NAALADL2: variants seen among roughly 807,000 people sequenced by gnomAD.
The protein encoded by NAALADL2 is inactive N-acetylated-alpha-linked acidic dipeptidase-like protein 2.
Under a neutral mutation model 87.2 loss-of-function variants are expected in NAALADL2, and 76 were observed. The ratio of observed to expected loss-of-function variants is 0.87; its 90% CI spans 0.72 to 1.05. The LOEUF is 1.05. Among genes scored for constraint, NAALADL2 ranks in the 50% least tolerant of loss-of-function variants. NAALADL2 has a pLI of 0.00. For synonymous variants in NAALADL2, 354 were observed against 331.0 expected (o/e 1.07, Z -0.75); for missense variants, 1,089 against 945.8 (o/e 1.15, Z -1.99).
chr3:174,967,990 A>G (rs1743110141), intron 1 of NAALADL2, among the ~76,000 whole-genome samples: 1 of 152,190 alleles, frequency 6.6e-6, no homozygotes, highest in Admixed American at 6.5e-5. Context: ...GATAATTTTG[A>G]CATTTCCTGA....
At chr3:175,718,648 C>A in intron 11 of NAALADL2, 2 of 1,585,038 alleles carry the variant, frequency 1.3e-6, no homozygotes, top group Non-Finnish European at 8.6e-7. Context: ...CTTTTACTCC[C>A]GAGCCCGTGG....
chr3:174,518,492 A>G (rs944718967), intron 1 of NAALADL2, among the ~76,000 whole-genome samples: 2 of 152,190 alleles, frequency 1.3e-5, no homozygotes, highest in Non-Finnish European at 2.9e-5. Flanking sequence ...TTCCAAGTCC[A>G]TTATCACATT....
At chr3:175,663,423 A>C (rs1287505686) in intron 11 of NAALADL2, among the ~76,000 whole-genome samples, 1 of 151,554 alleles carries the variant, frequency 6.6e-6, no homozygotes, top group Non-Finnish European at 1.5e-5. Context: ...CTCTGATTTT[A>C]TTTGAATATT....
At chr3:175,502,901 G>A (rs1374308771) in intron 9 of NAALADL2, among the ~76,000 whole-genome samples, 1 of 149,326 alleles carries the variant, frequency 6.7e-6, no homozygotes, top group South Asian at 2.1e-4. Context: ...TAAGAAGACA[G>A]GCTTTTTAAT....
At chr3:175,089,188 A>C (rs1719617827) in intron 1 of NAALADL2, among the ~76,000 whole-genome samples, 1 of 152,178 alleles carries the variant, frequency 6.6e-6, no homozygotes, top group African/African-American at 2.4e-5. Flanking sequence ...AAGATCTGTC[A>C]GGTCCTGAAT....
intron 11 of NAALADL2, among the ~76,000 whole-genome samples, chr3:175,682,727 T>C (rs1278823153): frequency 6.6e-6 from 1 of 152,084 alleles, no homozygotes; most frequent in Admixed American, 6.5e-5. Flanking sequence ...TTCAATTTTA[T>C]AGACATGTTT....
intron 11 of NAALADL2, among the ~76,000 whole-genome samples, chr3:175,714,629 G>A (rs1334042873): frequency 6.6e-6 from 1 of 152,004 alleles, no homozygotes; most frequent in Non-Finnish European, 1.5e-5. Context: ...CTGGATATTA[G>A]CCCTTTGTCA....
At chr3:174,641,278 T>G (rs1723162303) in intron 2 of NAALADL2, among the ~76,000 whole-genome samples, 1 of 152,116 alleles carries the variant, frequency 6.6e-6, no homozygotes, top group South Asian at 2.1e-4. Flanking sequence ...GGCTGACACC[T>G]TGAGTGCAGC....
At chr3:175,370,876 A>C (rs1766394164) in intron 5 of NAALADL2, among the ~76,000 whole-genome samples, 1 of 152,220 alleles carries the variant, frequency 6.6e-6, no homozygotes, top group Non-Finnish European at 1.5e-5. Context: ...TAAAGGAGAA[A>C]GGCTGGCAGC....
chr3:175,688,361 AT>A (rs1181544294), intron 11 of NAALADL2, among the ~76,000 whole-genome samples: 1 of 152,222 alleles, frequency 6.6e-6, no homozygotes, highest in Non-Finnish European at 1.5e-5. Context: ...TTATTGAATA[AT>A]ATTGTGGAAT....
At chr3:175,269,530 C>T (rs1225580402) in intron 4 of NAALADL2, among the ~76,000 whole-genome samples, 1 of 152,166 alleles carries the variant, frequency 6.6e-6, no homozygotes, top group African/African-American at 2.4e-5. Context: ...TGTACGGGAT[C>T]ATTCCTTGAC....
At chr3:175,110,147 A>C (rs1723939637) in intron 2 of NAALADL2, among the ~76,000 whole-genome samples, 1 of 151,782 alleles carries the variant, frequency 6.6e-6, no homozygotes, top group Non-Finnish European at 1.5e-5. Flanking sequence ...TTATGGTACG[A>C]ATAATAAGAG....
chr3:174,926,509 G>A (rs575844186), intron 1 of NAALADL2, among the ~76,000 whole-genome samples: 21 of 152,174 alleles, frequency 1.4e-4, no homozygotes, highest in African/African-American at 4.1e-4. Flanking sequence ...TAGATCTCTC[G>A]GTAGAAACTC....
At chr3:174,585,087 G>A (rs1381779258) in intron 2 of NAALADL2, among the ~76,000 whole-genome samples, 1 of 152,002 alleles carries the variant, frequency 6.6e-6, no homozygotes, top group African/African-American at 2.4e-5. Context: ...TTCTGAAATT[G>A]GCTGTTACTC....
In NAALADL2 at chr3:175,808,093, G is replaced by C. The variant is rs1754866149; in HGVS notation, c.*4890G>C. ...TTAAATGATCTGTTAATCAGCCAGA[G>C]TTTTAGTTTCATAATATCGTTCCAT... On this transcript the variant is annotated 3_prime_UTR_variant, in exon 14 of 14. Coordinates refer to ENST00000454872, the MANE Select transcript of NAALADL2 (RefSeq NM_207015.3). 1 of 151,898 alleles carries C rather than the reference G, an allele frequency of 6.6e-6. No homozygotes were observed. 9.4% of individuals were successfully genotyped at this position (151,898 alleles called of 1,614,324 possible).
intron 13 of NAALADL2, among the ~76,000 whole-genome samples, chr3:175,756,450 TA>T (rs35596442): frequency 6.6e-6 from 1 of 152,086 alleles, no homozygotes; most frequent in East Asian, 1.9e-4. Flanking sequence ...GTGATTGGAT[TA>T]AAAAATGTGG....
chr3:174,778,205 T>C (rs576732536), intron 3 of NAALADL2, among the ~76,000 whole-genome samples: 2 of 152,206 alleles, frequency 1.3e-5, no homozygotes, highest in East Asian at 3.9e-4. Flanking sequence ...TAAGTGTCCA[T>C]AATAAGGGAG....
chr3:174,592,172 G>A (rs1717430320), intron 2 of NAALADL2, among the ~76,000 whole-genome samples: 1 of 151,996 alleles, frequency 6.6e-6, no homozygotes, highest in South Asian at 2.1e-4. Flanking sequence ...TGTCATACAG[G>A]CTGATGGAAC....
rs144329998 is a variant in NAALADL2, at chr3:175,677,478, G to GGTGTGT, written c.1896+50127_1896+50132dup. 4.3e-3 allele frequency among the ~76,000 whole-genome samples: 603 copies of GGTGTGT among 140,160 alleles called. 6 individuals are homozygous for GGTGTGT. Among genetic ancestry groups the GGTGTGT allele is most frequent in the East Asian group, 0.014 (64 of 4,732 alleles). 92.0% of individuals were successfully genotyped at this position (140,160 alleles called of 152,430 possible). On this transcript the variant is annotated intron_variant, in intron 11 of 13. Coordinates refer to ENST00000454872, the MANE Select transcript of NAALADL2 (RefSeq NM_207015.3). ...TGGTGGCTGATAAATAGTATAATGG[G>GGTGTGT]GTGTGTGTGTGTGTGTGTGTGTGTG...
Sources: allele counts gnomAD v4.1 joint callset (sites outside exome capture counted in the v4.1 genomes callset), GRCh38; gene constraint gnomAD v4.1.1; transcripts MANE v1.5; gene names NCBI Gene and HGNC (gene_info 2026-07-23, HGNC 2026-07-21).